TMED5: variants seen among roughly 807,000 people sequenced by gnomAD.
The protein encoded by TMED5 is transmembrane p24 trafficking protein 5, also known as transmembrane emp24 domain-containing protein 5.
A neutral mutation model predicts 23.0 loss-of-function variants in TMED5; 27 were observed. The observed-to-expected ratio is 1.17, with a 90% CI of 0.86 to 1.62. The LOEUF (loss-of-function observed/expected upper bound fraction) is 1.62. Ranked by LOEUF, TMED5 falls within the 40% of genes most tolerant of loss-of-function variation. TMED5 has a pLI of 0.00. For missense variants in TMED5, 248 were observed against 273.7 expected, an observed-to-expected ratio of 0.91 and a Z score of 0.66; for synonymous variants, 97 against 100.8, an observed-to-expected ratio of 0.96 and a Z score of 0.23.
intron 1 of TMED5, among the ~76,000 whole-genome samples, chr1:93,166,652 T>G (rs533274357): frequency 2.0e-5 from 3 of 152,316 alleles, no homozygotes; most frequent in African/African-American, 7.2e-5. Context: ...CCTTATATAT[T>G]CTGGTTATTT....
chr1:93,172,469 A>G lies in TMED5; in HGVS notation c.189+7585T>C, dbSNP rs79674485. Among the ~76,000 whole-genome samples the G allele has an allele frequency of 1.1e-3, 161 of 151,630 alleles. 5 individuals are homozygous for G. The East Asian group carries it at 0.03, about 29-fold the overall frequency. On this transcript the variant is annotated intron_variant, in intron 1 of 3. Coordinates refer to ENST00000370282, the MANE Select transcript of TMED5 (RefSeq NM_016040.5). ...ATACCATTTACGTTAGCACTAAAAGAAAAAAAAAGAAAAAAAGAATTAGGT... is the reference window on the plus strand; with the variant it reads ...ATACCATTTACGTTAGCACTAAAAGGAAAAAAAAGAAAAAAAGAATTAGGT...
chr1:93,156,807 C>CAAA lies in TMED5; in HGVS notation c.288-327_288-325dup, dbSNP rs10572798. Among the ~76,000 whole-genome samples, 30 of 90,464 alleles carry CAAA rather than the reference C, an allele frequency of 3.3e-4. 1 individual carries two copies. The highest frequency in any genetic ancestry group is 5.1e-4 in the Non-Finnish European group (22 of 43,324). The allele number at this position is 90,464 out of a possible 152,430, so 59.3% of individuals were successfully genotyped here. ...TGGGCAACAGAGCAAGATCCTGTCT[C>CAAA]AAAAAAAAAAAAAAAAAAAAAGAAA... is the stretch of plus-strand genomic sequence containing the variant. On this transcript the variant is annotated intron_variant, in intron 2 of 3. Transcript: ENST00000370282.
At chr1:93,159,621 T>A (rs1158811878) in intron 2 of TMED5, among the ~76,000 whole-genome samples, 2 of 152,060 alleles carry the variant, frequency 1.3e-5, no homozygotes, top group Non-Finnish European at 2.9e-5. Context: ...TAGTTCCCTA[T>A]GATCAGATCT....
intron 1 of TMED5, among the ~76,000 whole-genome samples, chr1:93,169,033 C>G (rs6685271): frequency 6.6e-6 from 1 of 151,392 alleles, no homozygotes; most frequent in Non-Finnish European, 1.5e-5. Flanking sequence ...AGTAATTGAC[C>G]AAGCCAAGAG....
intron 1 of TMED5, among the ~76,000 whole-genome samples, chr1:93,175,316 T>TATATACAC (rs1553160172): frequency 6.2e-5 from 8 of 129,088 alleles, no homozygotes; most frequent in African/African-American, 2.4e-4. Context: ...TATATATATA[T>TATATACAC]ACACACACAC....
intron 1 of TMED5, among the ~76,000 whole-genome samples, chr1:93,171,159 CA>C (rs1275879744): frequency 6.6e-6 from 1 of 152,150 alleles, no homozygotes; most frequent in Non-Finnish European, 1.5e-5. Flanking sequence ...AGCGAGACCA[CA>C]AACCCACCAG....
chr1:93,177,584 CAAAAAAAAAA>C lies in TMED5; in HGVS notation c.189+2460_189+2469del, dbSNP rs11322215. On this transcript the variant is annotated intron_variant, in intron 1 of 3. Coordinates refer to ENST00000370282, the MANE Select transcript of TMED5 (RefSeq NM_016040.5). ...AGAGTGACAGAGGGAGACTCTGTCT[CAAAAAAAAAA>C]AAAAAAAAAAAAAAAAAGGAACAGT... 1.1e-3 allele frequency among the ~76,000 whole-genome samples: 47 copies of C among 44,408 alleles called. 1 individual carries two copies. The highest frequency in any genetic ancestry group is 5.6e-3 in the African/African-American group (43 of 7,664). 29.1% of individuals were successfully genotyped at this position (44,408 alleles called of 152,430 possible).
chr1:93,168,796 C>G (rs964052238), intron 1 of TMED5, among the ~76,000 whole-genome samples: 1 of 152,214 alleles, frequency 6.6e-6, no homozygotes, highest in African/African-American at 2.4e-5. Context: ...GATGGCACCA[C>G]TGCACTAGAG....
rs1473883210 is a variant in TMED5, at chr1:93,151,518, T to C, written c.*3152A>G. The C allele has an allele frequency of 2.0e-5, 3 of 152,190 alleles. No individual in the cohort carries two copies. Among genetic ancestry groups the C allele is most frequent in the Non-Finnish European group, 4.4e-5 (3 of 68,036 alleles). 9.4% of individuals were successfully genotyped at this position (152,190 alleles called of 1,614,324 possible). A position where few individuals can be genotyped will look rare whatever the true frequency, so the allele number is the denominator to read the frequency against. On this transcript the variant is annotated 3_prime_UTR_variant, in exon 4 of 4. Coordinates refer to ENST00000370282, the MANE Select transcript of TMED5 (RefSeq NM_016040.5). The stretch of plus-strand genomic sequence containing the variant: ...GTTGAAAATTAAGAATCCTGAGCCA[T>C]ATTCCAGACCTGAATAATCAATTTC...
At chr1:93,159,957 G>A (rs780376612) in intron 2 of TMED5, among the ~76,000 whole-genome samples, 172 bp downstream of exon 2, 12 of 152,168 alleles carry the variant, frequency 7.9e-5, no homozygotes, top group Non-Finnish European at 1.5e-4. Context: ...AAATAGAAAG[G>A]TTAATGGAAG....
At chr1:93,157,030 G>C (rs1176937565) in intron 2 of TMED5, among the ~76,000 whole-genome samples, 1 of 151,988 alleles carries the variant, frequency 6.6e-6, no homozygotes, top group Non-Finnish European at 1.5e-5. Flanking sequence ...GAAAAGGATA[G>C]AATTAAAAAC....
chr1:93,175,248 C>A, intron 1 of TMED5, among the ~76,000 whole-genome samples: 1 of 141,220 alleles, frequency 7.1e-6, no homozygotes, highest in Non-Finnish European at 1.5e-5. Flanking sequence ...AGTATCTTGG[C>A]ACATGTTGTG....
At chr1:93,166,335 C>T (rs1160224621) in intron 1 of TMED5, among the ~76,000 whole-genome samples, 2 of 152,162 alleles carry the variant, frequency 1.3e-5, no homozygotes, top group African/African-American at 4.8e-5. Context: ...TTTGAGGAAC[C>T]TCCAAACTGT....
rs1282156191 is a variant in TMED5 at position 93,153,536 on chromosome 1, A to AATC, written c.*1131_*1133dup. On this transcript the variant is annotated 3_prime_UTR_variant, in exon 4 of 4. Transcript: ENST00000370282. ...AGTTTCTTCCAGCTAACTGGAAATT[A>AATC]ATCATCTCCTTTGATTTATGTTATG... 1 of 152,170 alleles carries AATC rather than the reference A, an allele frequency of 6.6e-6. No individual in the cohort carries two copies. The highest frequency in any genetic ancestry group is 1.5e-5 in the Non-Finnish European group (1 of 68,000). 9.4% of individuals were successfully genotyped at this position (152,170 alleles called of 1,614,324 possible). A position where few individuals can be genotyped will look rare whatever the true frequency, so the allele number is the denominator to read the frequency against.
chr1:93,155,040 A>G lies in TMED5; in HGVS notation c.472-152T>C, dbSNP rs557474976. On this transcript the variant is annotated intron_variant, in intron 3 of 3. Transcript: ENST00000370282. ...GACCCCTTGAACCCAGGAGTTCAAG[A>G]CTGGGCTGGACAACACAGACAGACT... The G allele has an allele frequency of 1.6e-4, 96 of 604,340 alleles. No individual in the cohort carries two copies. The South Asian group carries it at 1.9e-3, about 12-fold the overall frequency. 37.4% of individuals were successfully genotyped at this position (604,340 alleles called of 1,614,324 possible).
rs1295961148 is a variant in TMED5 at position 93,160,111 on chromosome 1, C to T, written c.287+18G>A. Reference sequence around the variant, plus strand: ...GGTATTATTCAGCAATGAAACTCAACTAAAAGAGATTACTTACGTGTGAAC... The same window carrying T: ...GGTATTATTCAGCAATGAAACTCAATTAAAAGAGATTACTTACGTGTGAAC... On this transcript the variant is annotated intron_variant, in intron 2 of 3. Transcript: ENST00000370282. 6.4e-7 allele frequency: 1 copy of T among 1,554,678 alleles called. No homozygotes were observed. Among genetic ancestry groups the T allele is most frequent in the South Asian group, 1.1e-5 (1 of 89,416 alleles).
chr1:93,176,127 TA>T (rs1648902999), intron 1 of TMED5, among the ~76,000 whole-genome samples: 1 of 152,182 alleles, frequency 6.6e-6, no homozygotes, highest in Non-Finnish European at 1.5e-5. Context: ...AACAAGGACC[TA>T]AAAGCCCACA....
Position 93,180,219 on chromosome 1 carries a change from G to T in TMED5, c.24C>A (p.Pro8=), listed in dbSNP as rs746120271. The T allele has an allele frequency of 9.3e-6, 15 of 1,612,036 alleles. No individual in the cohort carries two copies. The highest frequency in any genetic ancestry group is 1.3e-5 in the Non-Finnish European group (15 of 1,179,496). ...GAGCGGCCAGAAGGAGCACGGGGAA[G>T]GGCAGCCAGATCTTGTCGCCCATCC... The part of the protein sequence containing the change: MGDKIWL[P]FPVLLLAALP... The change falls in exon 1 of 4, where the codon CCC becomes CCA. Residue 8 remains proline (P), a synonymous_variant. Coordinates refer to ENST00000370282, the MANE Select transcript of TMED5 (RefSeq NM_016040.5).
intron 3 of TMED5, among the ~76,000 whole-genome samples, chr1:93,155,833 A>G (rs1363803131): frequency 4.6e-5 from 7 of 152,204 alleles, no homozygotes. Flanking sequence ...TACCTATTAC[A>G]TAATGCATGT....
Sources: gnomAD v4.1 joint callset for allele counts (sites outside exome capture counted in the v4.1 genomes callset) on GRCh38, gnomAD v4.1.1 for gene constraint, MANE v1.5 for transcripts, NCBI Gene and HGNC (gene_info 2026-07-23, HGNC 2026-07-21) for gene names.